EPHX2: variants seen among roughly 807,000 people sequenced by gnomAD.
EPHX2 encodes the protein bifunctional epoxide hydrolase 2.
EPHX2 carries 74 observed loss-of-function variants against 78.7 expected under a neutral mutation model. The observed-to-expected ratio is 0.94, with a 90% CI of 0.78 to 1.14. EPHX2 has a LOEUF of 1.14. EPHX2 is among the 50% of genes most tolerant of loss of function. EPHX2 has a pLI of 0.00. For synonymous variants in EPHX2, 251 were observed against 255.2 expected, an observed-to-expected ratio of 0.98 and a Z score of 0.16; for missense variants, 715 against 702.5, an observed-to-expected ratio of 1.02 and a Z score of -0.20.
chr8:27,499,235 C>G (rs1813679356), intron 1 of EPHX2, among the ~76,000 whole-genome samples: 1 of 152,194 alleles, frequency 6.6e-6, no homozygotes, highest in Non-Finnish European at 1.5e-5. Flanking sequence ...AGGCCCACCT[C>G]TCAATTTTAA....
At chr8:27,529,889 CAA>C (rs56851108) in intron 12 of EPHX2, among the ~76,000 whole-genome samples, 52 of 90,216 alleles carry the variant, frequency 5.8e-4, no homozygotes, top group Admixed American at 7.4e-4. Flanking sequence ...CCAGCCTGAG[CAA>C]AAAAAAAAAA....
intron 12 of EPHX2, among the ~76,000 whole-genome samples, chr8:27,526,384 G>A (rs4149246): frequency 5.3e-5 from 8 of 152,134 alleles, no homozygotes; most frequent in Admixed American, 6.5e-5. Context: ...TCGACATGTC[G>A]CATCCCACAT....
intron 16 of EPHX2, among the ~76,000 whole-genome samples, chr8:27,542,710 C>T (rs1007435082): frequency 3.3e-5 from 5 of 152,120 alleles, no homozygotes; most frequent in African/African-American, 4.8e-5. Context: ...GGCACGATCT[C>T]GGTTCACTGC....
chr8:27,529,923 T>C (rs1814976089), intron 12 of EPHX2, among the ~76,000 whole-genome samples: 1 of 151,480 alleles, frequency 6.6e-6, no homozygotes, highest in Non-Finnish European at 1.5e-5. Context: ...AAAAGAGCCC[T>C]TTTATTTAAG....
Position 27,541,519 on chromosome 8 carries a change from G to A in EPHX2, c.1426G>A (p.Ala476Thr). ...YRNMERNWKW[A>T]CKSLGRKILI... ...AAACATGGAAAGGAACTGGAAGTGG[G>A]CTTGCAAAAGCTTGGGACGGAAGGT... The change falls in exon 16 of 19, where the codon GCT becomes ACT. Residue 476 changes from alanine (A) to threonine (T), a missense_variant. Ala to Thr is a moderately conservative substitution (Grantham distance 58, BLOSUM62 0). Transcript: ENST00000521400. 1 of 1,614,254 alleles carries A rather than the reference G, an allele frequency of 6.2e-7. No homozygotes were observed. The highest frequency in any genetic ancestry group is 8.5e-7 in the Non-Finnish European group (1 of 1,180,038).
rs578026023 is a variant in EPHX2, at chr8:27,536,788, T to G, written c.1175T>G (p.Val392Gly). The change falls in exon 13 of 19, where the codon GTG (valine) becomes GGG (glycine). Residue 392 changes from valine to glycine, a missense_variant. Coordinates refer to ENST00000521400, the MANE Select transcript of EPHX2 (RefSeq NM_001979.6). Reference sequence around the variant, plus strand: ...TTGCTTTCTTGATTGTTTTAGGGAGTGGCTGAGGCTGAACTGGAACAGAAC... The same window carrying G: ...TTGCTTTCTTGATTGTTTTAGGGAGGGGCTGAGGCTGAACTGGAACAGAAC... ...DYQLYFQEPG[V>G]AEAELEQNLS... 6.2e-6 allele frequency: 10 copies of G among 1,612,652 alleles called. No individual in the cohort carries two copies. The African/African-American group carries it at 8.1e-5, about 13-fold the overall frequency.
At chr8:27,497,238 A>G (rs1813604799) in intron 1 of EPHX2, among the ~76,000 whole-genome samples, 1 of 152,142 alleles carries the variant, frequency 6.6e-6, no homozygotes, top group African/African-American at 2.4e-5. Flanking sequence ...CTGTTGTTGG[A>G]TCATCCGGTT....
rs1815540064 is a variant in EPHX2, at chr8:27,544,963, C to T, written c.*441C>T. 5.1e-6 allele frequency: 1 copy of T among 195,862 alleles called. No individual in the cohort carries two copies. The highest frequency in any genetic ancestry group is 1.0e-4 in the South Asian group (1 of 9,986). 12.1% of individuals were successfully genotyped at this position (195,862 alleles called of 1,614,324 possible). ...CTTGGAGAGGTGGAGTGACTGTTCA[C>T]GGAGAATGCACGGCATGGGGATGAA... On this transcript the variant is annotated 3_prime_UTR_variant, in exon 19 of 19. Transcript: ENST00000521400.
chr8:27,522,340 A>T, intron 10 of EPHX2, 83 bp from the exon 11 acceptor site: 3 of 1,382,066 alleles, frequency 2.2e-6, no homozygotes, highest in Non-Finnish European at 3.0e-6. Context: ...CCTGGTGTCG[A>T]GGGGCTGGCT....
At chr8:27,524,718 G>T (rs1041626761) in intron 11 of EPHX2, among the ~76,000 whole-genome samples, 2 of 152,088 alleles carry the variant, frequency 1.3e-5, no homozygotes, top group Non-Finnish European at 2.9e-5. Flanking sequence ...AAGTTCAAAT[G>T]CTCCCTTTTC....
intron 1 of EPHX2, among the ~76,000 whole-genome samples, chr8:27,499,762 T>C (rs62504272): frequency 0.096 from 14,610 of 152,280 alleles, 696 homozygotes; most frequent in Non-Finnish European, 0.11. Context: ...CTCACAGCTC[T>C]GGAGGCTGGA....
chr8:27,504,993 C>A lies in EPHX2; in HGVS notation c.384C>A (p.Asp128Glu). ...CCATCCTCACCAACACCTGGCTGGA[C>A]GACCGTGCTGAGAGAGATGGCCTGG... is the stretch of plus-strand genomic sequence containing the variant. ...TTAILTNTWL[D>E]DRAERDGLAQ... Residue 128 changes from aspartate to glutamate, a missense_variant, in exon 4 of 19, where the codon GAC becomes GAA. Asp to Glu is a conservative substitution (Grantham distance 45). Coordinates refer to ENST00000521400, the MANE Select transcript of EPHX2 (RefSeq NM_001979.6). 1 of 1,614,126 alleles carries A rather than the reference C, an allele frequency of 6.2e-7. No homozygotes were observed. Among genetic ancestry groups the A allele is most frequent in the Non-Finnish European group, 8.5e-7 (1 of 1,180,036 alleles).
intron 12 of EPHX2, among the ~76,000 whole-genome samples, chr8:27,530,085 T>C (rs1169322040): frequency 2.7e-5 from 4 of 150,668 alleles, no homozygotes; most frequent in African/African-American, 4.9e-5. Context: ...TTTTTTCTGC[T>C]GTGTTGCCCA....
At chr8:27,530,169 A>G (rs529529900) in intron 12 of EPHX2, among the ~76,000 whole-genome samples, 5 of 152,020 alleles carry the variant, frequency 3.3e-5, no homozygotes, top group African/African-American at 1.2e-4. Context: ...TACAGGTGTG[A>G]GAGCTGCCAT....
intron 6 of EPHX2, among the ~76,000 whole-genome samples, chr8:27,512,337 C>T (rs1248812377): frequency 6.6e-6 from 1 of 152,196 alleles, no homozygotes; most frequent in Admixed American, 6.5e-5. Flanking sequence ...ACACAGCTGG[C>T]CTGTGTTGGA....
intron 3 of EPHX2, among the ~76,000 whole-genome samples, chr8:27,504,516 T>G (rs1040267491): frequency 6.6e-6 from 1 of 152,222 alleles, no homozygotes. Context: ...CAAGCAGTGT[T>G]TTCAGTAGCA....
intron 12 of EPHX2, among the ~76,000 whole-genome samples, chr8:27,533,519 G>C (rs911749429): frequency 3.9e-5 from 6 of 152,182 alleles, no homozygotes; most frequent in African/African-American, 1.4e-4. Context: ...CTGGCTCCCA[G>C]CTTCATCCTA....
At chr8:27,535,759 A>T (rs1249175298) in intron 12 of EPHX2, among the ~76,000 whole-genome samples, 1 of 151,998 alleles carries the variant, frequency 6.6e-6, no homozygotes, top group Non-Finnish European at 1.5e-5. Flanking sequence ...TTGGGGTAGG[A>T]AGGAGAGGGG....
intron 1 of EPHX2, among the ~76,000 whole-genome samples, chr8:27,492,104 C>T (rs1813401417): frequency 6.6e-6 from 1 of 152,148 alleles, no homozygotes; most frequent in Admixed American, 6.5e-5. Flanking sequence ...TATGAGGAAA[C>T]TGAGGCACAG....
Sources: allele counts gnomAD v4.1 joint callset (sites outside exome capture counted in the v4.1 genomes callset), GRCh38; gene constraint gnomAD v4.1.1; transcripts MANE v1.5; gene names NCBI Gene and HGNC (gene_info 2026-07-23, HGNC 2026-07-21).